LARS1: variants seen among roughly 807,000 people sequenced by gnomAD.
The protein encoded by LARS1 is leucyl-tRNA synthetase 1.
LARS1 carries 100 observed loss-of-function variants against 162.8 expected under a neutral mutation model. The ratio of observed to expected loss-of-function variants is 0.61; its 90% CI spans 0.52 to 0.73. LARS1 has a LOEUF of 0.73. Ranked by LOEUF, LARS1 falls within the 30% of genes least tolerant of loss-of-function variation. The pLI, the probability that LARS1 is intolerant of heterozygous loss-of-function variation, is 0.00. For missense variants in LARS1, 1,258 were observed against 1,408.9 expected (o/e 0.89, Z 1.71); for synonymous variants, 457 against 462.8 (o/e 0.99, Z 0.16).
intron 19 of LARS1, 55 bp from the exon 20 acceptor site, chr5:146,143,139 G>T (rs1752865255): frequency 3.1e-6 from 3 of 982,560 alleles, no homozygotes; most frequent in Non-Finnish European, 4.2e-6. Context: ...AATTTCTTTG[G>T]AAGAATCAGT....
At chr5:146,164,740 T>C (rs1753927315) in intron 5 of LARS1, among the ~76,000 whole-genome samples, 1 of 152,182 alleles carries the variant, frequency 6.6e-6, no homozygotes, top group Non-Finnish European at 1.5e-5. Context: ...CATAAAGAAC[T>C]ACCCATTATG....
intron 1 of LARS1, among the ~76,000 whole-genome samples, chr5:146,181,665 T>A (rs980779641): frequency 3.8e-4 from 58 of 151,770 alleles, no homozygotes; most frequent in South Asian, 8.3e-4. Flanking sequence ...TTTAAAAAAA[T>A]TTTTAAAAAT....
chr5:146,146,024 T>C (rs996751382), intron 15 of LARS1, among the ~76,000 whole-genome samples: 1 of 152,192 alleles, frequency 6.6e-6, no homozygotes, highest in African/African-American at 2.4e-5. Flanking sequence ...ATTGGTGGCA[T>C]TAAATAGAAA....
At position 146,113,515 on chromosome 5, in the gene LARS1, A is replaced by T. The variant is rs1764066665; in HGVS notation, c.*591T>A. On this transcript the variant is annotated 3_prime_UTR_variant, in exon 32 of 32. Transcript: ENST00000394434. ...TATTGATATTAGCCTTGAAGAAGCC[A>T]TTATTGGTTCTTAGTTGAATAATTA... 1 of 152,356 alleles carries T rather than the reference A, an allele frequency of 6.6e-6. No individual in the cohort carries two copies. The highest frequency in any genetic ancestry group is 2.1e-4 in the South Asian group (1 of 4,834). 9.4% of individuals were successfully genotyped at this position (152,356 alleles called of 1,614,324 possible).
intron 15 of LARS1, among the ~76,000 whole-genome samples, chr5:146,147,203 T>C (rs1753049671): frequency 6.6e-6 from 1 of 152,130 alleles, no homozygotes; most frequent in African/African-American, 2.4e-5. Flanking sequence ...CACCCAAATA[T>C]ATTACATATC....
intron 8 of LARS1, among the ~76,000 whole-genome samples, chr5:146,158,679 A>G (rs987829963): frequency 2.4e-4 from 36 of 152,216 alleles, no homozygotes; most frequent in African/African-American, 8.0e-4. Context: ...GAATCTGTGT[A>G]TATCAAATCT....
In LARS1 at chr5:146,157,527, A is replaced by C; in HGVS notation, c.941T>G (p.Ile314Ser). The change falls in exon 10 of 32, where the codon ATT becomes AGT. Residue 314 changes from isoleucine to serine, a missense_variant. Coordinates refer to ENST00000394434, the MANE Select transcript of LARS1 (RefSeq NM_020117.11). ...ATCACCATTCACCGTCTCAAATCCAATGTACTTCATATCAGGACGAACCCA... is the reference window on the plus strand; with the variant it reads ...ATCACCATTCACCGTCTCAAATCCACTGTACTTCATATCAGGACGAACCCA... ...NCWVRPDMKY[I>S]GFETVNGDIF... 6.2e-7 allele frequency: 1 copy of C among 1,614,174 alleles called. No individual in the cohort carries two copies. Among genetic ancestry groups the C allele is most frequent in the Non-Finnish European group, 8.5e-7 (1 of 1,180,034 alleles).
At chr5:146,151,442 T>G (rs1334516786) in intron 14 of LARS1, among the ~76,000 whole-genome samples, 1 of 152,218 alleles carries the variant, frequency 6.6e-6, no homozygotes, top group East Asian at 1.9e-4. Flanking sequence ...ACATGTTTGT[T>G]GAACTCACCT....
intron 24 of LARS1, chr5:146,130,565 A>G (rs576797534): frequency 5.9e-5 from 11 of 186,052 alleles, no homozygotes; most frequent in South Asian, 4.0e-4. Context: ...ATAAAACTCA[A>G]TGTGATATTT....
chr5:146,163,081 T>C (rs978754960), intron 6 of LARS1, among the ~76,000 whole-genome samples: 1 of 152,172 alleles, frequency 6.6e-6, no homozygotes, highest in African/African-American at 2.4e-5. Context: ...AATGCTGGGA[T>C]TGCAGGCATG....
intron 27 of LARS1, among the ~76,000 whole-genome samples, chr5:146,127,394 G>A (rs965840128): frequency 2.7e-4 from 41 of 151,980 alleles, no homozygotes; most frequent in African/African-American, 9.7e-4. Context: ...AACACTCTTC[G>A]TGATTATAAA....
chr5:146,153,020 C>T (rs900990557), intron 13 of LARS1, among the ~76,000 whole-genome samples, 154 bp downstream of exon 13: 2 of 152,164 alleles, frequency 1.3e-5, no homozygotes, highest in Non-Finnish European at 2.9e-5. Context: ...TCTTATCTAC[C>T]ATAGCAGGTA....
intron 3 of LARS1, 38 bp downstream of exon 3, chr5:146,172,649 C>A (rs565870064): frequency 8.2e-7 from 1 of 1,212,598 alleles, no homozygotes; most frequent in African/African-American, 1.6e-5. Context: ...TCGTTAAAAA[C>A]CTTCCTCCCC....
chr5:146,157,478 T>C lies in LARS1; in HGVS notation c.990A>G (p.Ala330=). ...NGDIFICTQK[A]ARNMSYQGFT... is the part of the protein sequence containing the mutation. ...AGCCCTGGTATGACATATTCCTGGC[T>C]GCTTTTTGGGTACAGATGAATATAT... The change falls in exon 10 of 32, where the codon GCA becomes GCG. Residue 330 remains alanine (A), a synonymous_variant. Transcript: ENST00000394434. 1.9e-6 allele frequency: 3 copies of C among 1,614,218 alleles called. No individual in the cohort carries two copies. The South Asian group carries it at 3.3e-5, about 18-fold the overall frequency.
At chr5:146,124,144 T>TA in intron 28 of LARS1, 58 bp from the exon 29 acceptor site, 1 of 1,007,912 alleles carries the variant, frequency 9.9e-7, no homozygotes, top group Non-Finnish European at 1.6e-6. Flanking sequence ...TTGGAAAACA[T>TA]ACTTCCTCCA....
At chr5:146,168,329 T>G (rs754816269) in intron 4 of LARS1, 64 bp from the exon 5 acceptor site, 81 of 1,516,822 alleles carry the variant, frequency 5.3e-5, no homozygotes, top group Non-Finnish European at 5.7e-5. Flanking sequence ...AGTTTTTTAC[T>G]GTTTTTATTG....
At chr5:146,121,665 T>A (rs1266717978) in intron 30 of LARS1, among the ~76,000 whole-genome samples, 1 of 152,222 alleles carries the variant, frequency 6.6e-6, no homozygotes, top group Non-Finnish European at 1.5e-5. Flanking sequence ...GATGAGTTTA[T>A]GTCCTTTGTA....
chr5:146,116,756 T>C (rs1003580136), intron 31 of LARS1, among the ~76,000 whole-genome samples: 8 of 152,230 alleles, frequency 5.3e-5, no homozygotes, highest in African/African-American at 1.9e-4. Context: ...TACCATCAGA[T>C]AGTTTACTCA....
In LARS1 at chr5:146,179,334, GTATT is replaced by G. The variant is rs201218354; in HGVS notation, c.7-1673_7-1670del. 8.6e-3 allele frequency among the ~76,000 whole-genome samples: 1,305 copies of G among 152,068 alleles called. 22 individuals carry two copies. The highest frequency in any genetic ancestry group is 0.03 in the African/African-American group (1,245 of 41,524). On this transcript the variant is annotated intron_variant, in intron 1 of 31. Transcript: ENST00000394434. ...GTGCCACCATACCTGGCTAATTTTTGTATTTTTAGTAGAGACGAGGTTTCACCAT... is the reference window on the plus strand; with the variant it reads ...GTGCCACCATACCTGGCTAATTTTTGTTTAGTAGAGACGAGGTTTCACCAT...
Sources: gnomAD v4.1 joint callset for allele counts (sites outside exome capture counted in the v4.1 genomes callset) on GRCh38, gnomAD v4.1.1 for gene constraint, MANE v1.5 for transcripts, NCBI Gene and HGNC (gene_info 2026-07-23, HGNC 2026-07-21) for gene names.